Variants in MAP3K1 observed in about 807,000 individuals in gnomAD.
The protein encoded by MAP3K1 is mitogen-activated protein kinase kinase kinase 1.
A neutral mutation model predicts 144.2 loss-of-function variants in MAP3K1; 36 were observed. The ratio of observed to expected loss-of-function variants is 0.25; its 90% CI spans 0.19 to 0.33. The LOEUF is 0.33. Ranked by LOEUF, MAP3K1 falls within the 10% of genes least tolerant of loss-of-function variation. MAP3K1 has a pLI of 1.00. For missense variants in MAP3K1, 1,650 were observed against 1,881.9 expected, an observed-to-expected ratio of 0.88 and a Z score of 2.28; for synonymous variants, 718 against 688.7, an observed-to-expected ratio of 1.04 and a Z score of -0.67.
intron 1 of MAP3K1, among the ~76,000 whole-genome samples, chr5:56,844,984 A>G (rs965621967): frequency 6.6e-6 from 1 of 152,202 alleles, no homozygotes; most frequent in Non-Finnish European, 1.5e-5. Flanking sequence ...TTTTGAAAGA[A>G]ATCCTTCTCC....
rs1185664807 is a variant in MAP3K1, at chr5:56,864,940, A to G, written c.1035+6A>G. 1 of 1,613,532 alleles carries G rather than the reference A, an allele frequency of 6.2e-7. No individual in the cohort carries two copies. The highest frequency in any genetic ancestry group is 1.7e-5 in the Admixed American group (1 of 60,010). On this transcript the variant is annotated splice_donor_region_variant and intron_variant, in intron 4 of 19. Transcript: ENST00000399503. The stretch of plus-strand genomic sequence containing the variant: ...GGGTGTTTATTGGGCCTCAGGTAGG[A>G]TTCGTCACCATTTTATACTTTATTA...
intron 1 of MAP3K1, 37 bp from the exon 2 acceptor site, chr5:56,856,563 A>G (rs1367503679): frequency 1.3e-6 from 2 of 1,550,804 alleles, no homozygotes; most frequent in South Asian, 1.1e-5. Flanking sequence ...TTTCATATAT[A>G]CATTTCTCAT....
chr5:56,880,849 C>G (rs758843925), intron 12 of MAP3K1, 47 bp downstream of exon 12: 2 of 1,450,454 alleles, frequency 1.4e-6, no homozygotes, highest in Non-Finnish European at 1.9e-6. Context: ...TTATCATGTT[C>G]CTGAGCAGCC....
Position 56,823,519 on chromosome 5 carries a change from C to T in MAP3K1, c.482+7464C>T, listed in dbSNP as rs1746218117. Reference sequence around the variant, plus strand: ...TGACTGCCTTCCCCCTAGCACCTAGCAGGATGCCTGGCATAGGGTAGACAC... The same window carrying T: ...TGACTGCCTTCCCCCTAGCACCTAGTAGGATGCCTGGCATAGGGTAGACAC... On this transcript the variant is annotated intron_variant, in intron 1 of 19. Coordinates refer to ENST00000399503, the MANE Select transcript of MAP3K1 (RefSeq NM_005921.2). Among the ~76,000 whole-genome samples, 5 of 152,222 alleles carry T rather than the reference C, an allele frequency of 3.3e-5. No homozygotes were observed. The South Asian group carries it at 1.0e-3, about 31-fold the overall frequency.
intron 1 of MAP3K1, among the ~76,000 whole-genome samples, chr5:56,832,714 G>T (rs142335774): frequency 0.012 from 1,878 of 151,998 alleles, 47 homozygotes; most frequent in African/African-American, 0.042. Context: ...TTATTATCTT[G>T]GAAAAATTAT....
intron 12 of MAP3K1, 30 bp from the exon 13 acceptor site, chr5:56,881,053 A>G (rs748761140): frequency 3.2e-6 from 5 of 1,538,896 alleles, no homozygotes; most frequent in Non-Finnish European, 4.5e-6. Context: ...ACTATTTTTT[A>G]ATCATTTATT....
At chr5:56,877,546 G>A (rs1032451962) in intron 10 of MAP3K1, among the ~76,000 whole-genome samples, 3 of 132,036 alleles carry the variant, frequency 2.3e-5, no homozygotes, top group Non-Finnish European at 3.2e-5. Flanking sequence ...TTGCTGAATC[G>A]TTTGAGAGTT....
At chr5:56,853,903 G>A (rs1342646115) in intron 1 of MAP3K1, among the ~76,000 whole-genome samples, 2 of 151,988 alleles carry the variant, frequency 1.3e-5, no homozygotes, top group Non-Finnish European at 2.9e-5. Flanking sequence ...AGCCCGGGGG[G>A]AACCACTAGA....
intron 1 of MAP3K1, among the ~76,000 whole-genome samples, chr5:56,851,145 CAT>C (rs1747157198): frequency 3.9e-5 from 6 of 152,144 alleles, no homozygotes; most frequent in Non-Finnish European, 7.3e-5. Context: ...GGGGTTTCTC[CAT>C]GTTGGTCAGG....
chr5:56,859,089 G>T (rs1579752912), intron 2 of MAP3K1, among the ~76,000 whole-genome samples: 1 of 145,986 alleles, frequency 6.8e-6, no homozygotes, highest in African/African-American at 2.5e-5. Context: ...AAAAAAGGCA[G>T]GTCTTGTAAA....
intron 3 of MAP3K1, among the ~76,000 whole-genome samples, 172 bp downstream of exon 3, chr5:56,860,087 A>G (rs1747461552): frequency 6.6e-6 from 1 of 152,158 alleles, no homozygotes; most frequent in Non-Finnish European, 1.5e-5. Flanking sequence ...CTATTAGGTC[A>G]AAACTAATTT....
rs1261055772 is a variant in MAP3K1 at position 56,841,541 on chromosome 5, GGATTATAGAAT to G, written c.483-15056_483-15046del. 1.2e-4 allele frequency among the ~76,000 whole-genome samples: 18 copies of G among 152,160 alleles called. No homozygotes were observed. In the East Asian group the frequency reaches 3.5e-3, roughly 29 times the overall value. The stretch of plus-strand genomic sequence containing the variant: ...ACATTCAAAAACATGGAGAGCCACT[GGATTATAGAAT>G]GACAAAGAATATTTTACTCAAAAAA... On this transcript the variant is annotated intron_variant, in intron 1 of 19. Coordinates refer to ENST00000399503, the MANE Select transcript of MAP3K1 (RefSeq NM_005921.2).
At chr5:56,862,771 T>G (rs1747554999) in intron 3 of MAP3K1, among the ~76,000 whole-genome samples, 1 of 70,934 alleles carries the variant, frequency 1.4e-5, no homozygotes, top group South Asian at 4.9e-4. Flanking sequence ...TGGCTTTTTT[T>G]GTTTGTTTTT....
chr5:56,886,118 T>G (rs1007937041), intron 17 of MAP3K1, 55 bp downstream of exon 17: 10 of 1,488,888 alleles, frequency 6.7e-6, no homozygotes, highest in Middle Eastern at 1.9e-4. Flanking sequence ...ATTTTAAAAT[T>G]TGGGGCCAGG....
intron 1 of MAP3K1, chr5:56,816,967 CT>C: frequency 1.8e-6 from 1 of 549,976 alleles, no homozygotes; most frequent in South Asian, 7.9e-5. Flanking sequence ...CCCGCAGCCC[CT>C]CCGGCTTGGC....
chr5:56,894,003 T>C lies in MAP3K1; in HGVS notation c.*323T>C. 1 of 421,426 alleles carries C rather than the reference T, an allele frequency of 2.4e-6. No individual in the cohort carries two copies. Among genetic ancestry groups the C allele is most frequent in the Non-Finnish European group, 4.4e-6 (1 of 226,602 alleles). 26.1% of individuals were successfully genotyped at this position (421,426 alleles called of 1,614,324 possible). A position where few individuals can be genotyped will look rare whatever the true frequency, so the allele number is the denominator to read the frequency against. ...TTTTGGAGCACTTTTTCAGCAATAT[T>C]AGCGGCTGAGGGGCTCAGGATCTAT... On this transcript the variant is annotated 3_prime_UTR_variant, in exon 20 of 20. Coordinates refer to ENST00000399503, the MANE Select transcript of MAP3K1 (RefSeq NM_005921.2).
chr5:56,868,566 A>C (rs1470544599), intron 6 of MAP3K1, among the ~76,000 whole-genome samples: 1 of 152,018 alleles, frequency 6.6e-6, no homozygotes, highest in Non-Finnish European at 1.5e-5. Flanking sequence ...TTGTATTTTT[A>C]GTAGTGACAG....
intron 3 of MAP3K1, among the ~76,000 whole-genome samples, chr5:56,860,139 G>T (rs1344722660): frequency 6.6e-6 from 1 of 152,072 alleles, no homozygotes; most frequent in Admixed American, 6.5e-5. Flanking sequence ...TCCCTGCATT[G>T]ATATTTGCAG....
At chr5:56,833,507 A>G (rs535706808) in intron 1 of MAP3K1, among the ~76,000 whole-genome samples, 63 of 151,584 alleles carry the variant, frequency 4.2e-4, no homozygotes, top group African/African-American at 1.5e-3. Flanking sequence ...CTATGCACAC[A>G]CTCCCTCCCC....
Sources: gnomAD v4.1 joint callset for allele counts (sites outside exome capture counted in the v4.1 genomes callset) on GRCh38, gnomAD v4.1.1 for gene constraint, MANE v1.5 for transcripts, NCBI Gene and HGNC (gene_info 2026-07-23, HGNC 2026-07-21) for gene names.